CIC: variants seen among roughly 807,000 people sequenced by gnomAD.
CIC encodes protein capicua homolog.
Under a neutral mutation model 115.7 loss-of-function variants are expected in CIC, and 18 were observed. The ratio of observed to expected loss-of-function variants is 0.16; its 90% CI spans 0.11 to 0.23. The LOEUF is 0.23. Ranked by LOEUF, CIC falls within the 10% of genes least tolerant of loss-of-function variation. The pLI is 1.00. For synonymous variants in CIC, 1,076 were observed against 923.0 expected, an observed-to-expected ratio of 1.17 and a Z score of -3.01; for missense variants, 2,000 against 2,159.3, an observed-to-expected ratio of 0.93 and a Z score of 1.46.
At chr19:42,288,813 C>A in intron 7 of CIC, 75 bp from the exon 8 acceptor site, 1 of 1,346,908 alleles carries the variant, frequency 7.4e-7, no homozygotes. Context: ...CTAGAAATAT[C>A]TATGGGTTGT....
At chr19:42,284,582 GC>G in intron 2 of CIC, 1 of 364,360 alleles carries the variant, frequency 2.7e-6, no homozygotes, top group Non-Finnish European at 4.6e-6. Flanking sequence ...GGGGGGGCAT[GC>G]GGCGACGGCC....
chr19:42,284,830 G>C (rs2037509690), intron 2 of CIC: 1 of 1,393,420 alleles, frequency 7.2e-7, no homozygotes, highest in African/African-American at 1.4e-5. Flanking sequence ...GCTAAGTGCG[G>C]AGTAACGGTG....
At chr19:42,278,650 C>T (rs544694338) in intron 2 of CIC, among the ~76,000 whole-genome samples, 29 of 152,300 alleles carry the variant, frequency 1.9e-4, no homozygotes, top group Non-Finnish European at 3.7e-4. Flanking sequence ...TTTAGATGGA[C>T]TTGCTGCCCC....
chr19:42,287,040 G>A lies in CIC; in HGVS notation c.2979G>A (p.Arg993=), dbSNP rs1322150909. The change falls in exon 4 of 21, where the codon CGG becomes CGA. Residue 993 remains arginine (R), a synonymous_variant. Transcript: ENST00000681038. This position sits in a 1 kb window ranked among gnomAD's most constrained non-coding sequence, Gnocchi z 8.7. The part of the protein sequence containing the change: ...PAESAAVAHE[R]PPGGTGSADP... ...AGTCGGCAGCTGTTGCTCATGAACGGCCACCAGGTGGGACAGGGAGTGCTG... is the reference window on the plus strand; with the variant it reads ...AGTCGGCAGCTGTTGCTCATGAACGACCACCAGGTGGGACAGGGAGTGCTG... The A allele has an allele frequency of 3.1e-6, 5 of 1,611,464 alleles. No individual in the cohort carries two copies. Among genetic ancestry groups the A allele is most frequent in the Admixed American group, 3.3e-5 (2 of 60,006 alleles).
In CIC at chr19:42,295,655, C is replaced by G. The variant is rs145573916; in HGVS notation, c.*464C>G. 1.6e-4 allele frequency: 38 copies of G among 235,780 alleles called. No homozygotes were observed. In the East Asian group the frequency reaches 2.3e-3, roughly 14 times the overall value. The allele number at this position is 235,780 out of a possible 1,614,324, so 14.6% of individuals were successfully genotyped here. A position where few individuals can be genotyped will look rare whatever the true frequency, so the allele number is the denominator to read the frequency against. On this transcript the variant is annotated 3_prime_UTR_variant, in exon 21 of 21. Transcript: ENST00000681038. ...GGGTTTTCTCCTCACCCCCTCTGCC[C>G]TCCCAACTTGGGTTGTACTTTCTAA... is the stretch of plus-strand genomic sequence containing the variant.
chr19:42,292,648 C>A lies in CIC; in HGVS notation c.5985C>A (p.Ala1995=). Residue 1995 remains alanine, a synonymous_variant, in exon 15 of 21, where the codon GCC becomes GCA. Transcript: ENST00000681038. ...CCCAGCTGCCGCCTGCCTGTGCAGCCCCCGGAGGTCCTGTCATAACAGCAT... is the reference window on the plus strand; with the variant it reads ...CCCAGCTGCCGCCTGCCTGTGCAGCACCCGGAGGTCCTGTCATAACAGCAT... ...PSPQLPPACA[A]PGGPVITAFY... is the part of the protein sequence containing the mutation. The A allele has an allele frequency of 6.2e-7, 1 of 1,613,772 alleles. No homozygotes were observed. Among genetic ancestry groups the A allele is most frequent in the Non-Finnish European group, 8.5e-7 (1 of 1,179,968 alleles).
chr19:42,291,339 A>C lies in CIC; in HGVS notation c.5298A>C (p.Ala1766=), dbSNP rs1232707830. The part of the protein sequence containing the change: ...GTKAAAPSGP[A]PTTSIRFTLP... ...AGGCAGCGGCTCCCAGCGGCCCTGCACCCACCACCAGCATCCGTTTCACCC... is the reference window on the plus strand; with the variant it reads ...AGGCAGCGGCTCCCAGCGGCCCTGCCCCCACCACCAGCATCCGTTTCACCC... Residue 1766 remains alanine (A), a synonymous_variant, in exon 11 of 21, where the codon GCA becomes GCC. Coordinates refer to ENST00000681038, the MANE Select transcript of CIC (RefSeq NM_001386298.1). 6.2e-7 allele frequency: 1 copy of C among 1,612,612 alleles called. No homozygotes were observed. Among genetic ancestry groups the C allele is most frequent in the East Asian group, 2.2e-5 (1 of 44,868 alleles).
intron 10 of CIC, 53 bp downstream of exon 10, chr19:42,290,004 G>C: frequency 2.0e-6 from 3 of 1,497,514 alleles, no homozygotes; most frequent in Non-Finnish European, 2.8e-6. Context: ...TAAGCCATGG[G>C]AATGTCTGTT....
Position 42,287,546 on chromosome 19 carries a change from G to A in CIC, c.3311G>A (p.Arg1104Gln), listed in dbSNP as rs1183958206. The A allele has an allele frequency of 1.9e-6, 3 of 1,613,248 alleles. No individual in the cohort carries two copies. Among genetic ancestry groups the A allele is most frequent in the Admixed American group, 1.7e-5 (1 of 60,016 alleles). ...SEKDGRSPNK[R>Q]EKDHIRRPMN... ...CGCTCTGGGCTGTGTTTAATGCAGCGGGAGAAGGACCACATCCGGCGGCCC... is the reference window on the plus strand; with the variant it reads ...CGCTCTGGGCTGTGTTTAATGCAGCAGGAGAAGGACCACATCCGGCGGCCC... The change falls in exon 6 of 21, where the codon CGG becomes CAG. Residue 1104 changes from arginine to glutamine, a missense_variant and splice_region_variant. Transcript: ENST00000681038. The surrounding 1 kb of genome is among the most constrained non-coding windows in gnomAD (Gnocchi z 8.7).
Position 42,290,563 on chromosome 19 carries a change from C to T in CIC, c.4522C>T (p.Arg1508Trp), listed in dbSNP as rs201902940. Residue 1508 changes from arginine (R) to tryptophan (W), a missense_variant, in exon 11 of 21, where the codon CGG (arginine) becomes TGG (tryptophan). Around this residue, in one of 8 missense-constraint regions of CIC, gnomAD observed 1,466 missense variants for 1,390.4 expected, o/e 1.05. Transcript: ENST00000681038. Reference sequence around the variant, plus strand: ...CCTCCCAATGGATCCTGCCACCTTCCGGCGCAAGAGACCCGAAAGTGTGGG... The same window carrying T: ...CCTCCCAATGGATCCTGCCACCTTCTGGCGCAAGAGACCCGAAAGTGTGGG... ...RFLPMDPATF[R>W]RKRPESVGGL... The T allele has an allele frequency of 2.7e-5, 43 of 1,613,522 alleles. No individual in the cohort carries two copies. The highest frequency in any genetic ancestry group is 7.7e-5 in the South Asian group (7 of 91,070).
At position 42,290,483 on chromosome 19, in the gene CIC, G is replaced by T. The variant is rs771399534; in HGVS notation, c.4442G>T (p.Arg1481Leu). Residue 1481 changes from arginine (R) to leucine (L), a missense_variant, in exon 11 of 21, where the codon CGG becomes CTG. By Grantham distance (102) the Arg-to-Leu change is moderately radical. This residue lies in a region of CIC where 1,466 missense variants were observed against 1,390.4 expected (regional missense o/e 1.05). Transcript: ENST00000681038. ...SGQGSTAGPL[R>L]PPPPGAGGPA... Reference sequence around the variant, plus strand: ...CAGGGCAGCACAGCGGGCCCCCTACGGCCCCCACCCCCTGGGGCTGGGGGT... The same window carrying T: ...CAGGGCAGCACAGCGGGCCCCCTACTGCCCCCACCCCCTGGGGCTGGGGGT... 6.2e-7 allele frequency: 1 copy of T among 1,613,734 alleles called. No individual in the cohort carries two copies. The highest frequency in any genetic ancestry group is 8.5e-7 in the Non-Finnish European group (1 of 1,179,938).
At chr19:42,294,411 G>A (rs2038369360) in intron 19 of CIC, 107 bp downstream of exon 19, 2 of 1,577,102 alleles carry the variant, frequency 1.3e-6, no homozygotes, top group Admixed American at 3.4e-5. Context: ...TCCAGGCTGG[G>A]AGGAAGCACA....
chr19:42,287,429 G>A lies in CIC; in HGVS notation c.3289G>A (p.Asp1097Asn), dbSNP rs1198073339. The change falls in exon 5 of 21, where the codon GAT (aspartate) becomes AAT (asparagine). Residue 1097 changes from aspartate (D) to asparagine (N), a missense_variant. This residue lies in a region of CIC where 222 missense variants were observed against 247.7 expected (regional missense o/e 0.90). Transcript: ENST00000681038. This position sits in a 1 kb window ranked among gnomAD's most constrained non-coding sequence, Gnocchi z 8.7. ...GGAACGGGACTCATCTTCTGAGAAG[G>A]ATGGACGCAGCCCCAACAAGGTACT... is the stretch of plus-strand genomic sequence containing the variant. Reference protein sequence around the residue: ...PKERDSSSEKDGRSPNKREKD... With the variant: ...PKERDSSSEKNGRSPNKREKD... The A allele has an allele frequency of 2.5e-6, 4 of 1,613,618 alleles. No individual in the cohort carries two copies. The highest frequency in any genetic ancestry group is 2.7e-5 in the African/African-American group (2 of 74,938).
In CIC at chr19:42,290,707, GT is replaced by G. The variant is rs2038025186; in HGVS notation, c.4667del (p.Val1556GlyfsTer81). On this transcript the variant is annotated frameshift_variant, in exon 11 of 21. Transcript: ENST00000681038. LOFTEE classifies it high-confidence loss of function. ...GGAGCAAGAGGGCGGCGGAGCCAGA[GT>G]GCCCTCCGCCCCCGCCCCATCACTG... ...KEEQEGGGAR[V>X]PSAPAPSLAY... The G allele has an allele frequency of 6.2e-7, 1 of 1,612,664 alleles. No homozygotes were observed. The highest frequency in any genetic ancestry group is 8.5e-7 in the Non-Finnish European group (1 of 1,179,848).
At chr19:42,282,001 G>A (rs1165008775) in intron 2 of CIC, among the ~76,000 whole-genome samples, 2 of 152,192 alleles carry the variant, frequency 1.3e-5, no homozygotes, top group African/African-American at 2.4e-5. Flanking sequence ...CTCACTCACC[G>A]GTGGGGAGAG....
chr19:42,287,946 C>T lies in CIC; in HGVS notation c.3629C>T (p.Ser1210Leu). The T allele has an allele frequency of 6.2e-7, 1 of 1,601,916 alleles. No homozygotes were observed. Among genetic ancestry groups the T allele is most frequent in the South Asian group, 1.1e-5 (1 of 89,060 alleles). ...GHKETRERSM[S>L]ETGTAAAPGV... ...AAGGAGACGCGGGAGCGGAGCATGT[C>T]GGAGACGGGCACTGCTGCTGCCCCT... The change falls in exon 7 of 21, where the codon TCG becomes TTG. Residue 1210 changes from serine to leucine, a missense_variant. Physicochemically the swap from Ser to Leu is moderately radical, Grantham distance 145 (BLOSUM62 -2). Around this residue, in one of 8 missense-constraint regions of CIC, gnomAD observed 38 missense variants for 50.3 expected, o/e 0.76. Coordinates refer to ENST00000681038, the MANE Select transcript of CIC (RefSeq NM_001386298.1). The surrounding 1 kb of genome is among the most constrained non-coding windows in gnomAD (Gnocchi z 8.7).
intron 2 of CIC, among the ~76,000 whole-genome samples, chr19:42,281,867 C>G (rs1482766502): frequency 1.3e-5 from 2 of 152,256 alleles, no homozygotes; most frequent in Non-Finnish European, 2.9e-5. Flanking sequence ...CTCTTTCCCT[C>G]CTGTGCCATG....
At chr19:42,289,802 C>T (rs750473249) in intron 9 of CIC, 46 bp from the exon 10 acceptor site, 22 of 1,457,116 alleles carry the variant, frequency 1.5e-5, no homozygotes, top group Admixed American at 7.8e-5. Flanking sequence ...TCCTGGGTCC[C>T]CCTGCATCTA....
In CIC at chr19:42,287,060, G is replaced by C. The variant is rs371378539; in HGVS notation, c.2999G>C (p.Ser1000Thr). ...GAACGGCCACCAGGTGGGACAGGGA[G>C]TGCTGACCCTGAGCGGCCCCCTGGA... ...AHERPPGGTG[S>T]ADPERPPGAT... Residue 1000 changes from serine (S) to threonine (T), a missense_variant, in exon 4 of 21, where the codon AGT becomes ACT. Ser to Thr is a moderately conservative substitution (Grantham distance 58, BLOSUM62 1). This residue lies in a region of CIC where 222 missense variants were observed against 247.7 expected (regional missense o/e 0.90). Transcript: ENST00000681038. The surrounding 1 kb of genome is among the most constrained non-coding windows in gnomAD (Gnocchi z 8.7). 6.2e-6 allele frequency: 10 copies of C among 1,612,532 alleles called. No homozygotes were observed. Among genetic ancestry groups the C allele is most frequent in the Non-Finnish European group, 7.6e-6 (9 of 1,180,000 alleles).
Sources: gnomAD v4.1 joint callset for allele counts (sites outside exome capture counted in the v4.1 genomes callset) on GRCh38, gnomAD v4.1.1 for gene constraint, gnomAD v4.1.1 regional missense constraint, Gnocchi (gnomAD v3.1) non-coding constraint, MANE v1.5 for transcripts, NCBI Gene and HGNC (gene_info 2026-07-23, HGNC 2026-07-21) for gene names.